The following GUCY1A2 variants were observed in gnomAD, a reference collection of about 807,000 sequenced individuals.
GUCY1A2 encodes the protein guanylate cyclase 1 soluble subunit alpha 2.
Under a neutral mutation model 63.5 loss-of-function variants are expected in GUCY1A2, and 27 were observed. That is an observed-to-expected ratio of 0.43 (90% CI 0.31 to 0.59). The LOEUF is 0.59. Ranked by LOEUF, GUCY1A2 falls within the 20% of genes least tolerant of loss-of-function variation. GUCY1A2 has a pLI of 0.11. For missense variants in GUCY1A2, 768 were observed against 913.3 expected (o/e 0.84, Z 2.05); for synonymous variants, 364 against 343.5 (o/e 1.06, Z -0.66).
chr11:106,732,184 G>A lies in GUCY1A2; in HGVS notation c.1837-23518C>T, dbSNP rs181256582. Among the ~76,000 whole-genome samples the A allele has an allele frequency of 3.5e-3, 527 of 152,194 alleles. 11 individuals carry two copies. The highest frequency in any genetic ancestry group is 3.7e-3 in the Non-Finnish European group (250 of 68,014). On this transcript the variant is annotated intron_variant, in intron 6 of 7. Transcript: ENST00000526355. ...GTACTGGTACAAAAACAGACACACA[G>A]ACCAATGGAACAGATAAGAGAGCCC... is the stretch of plus-strand genomic sequence containing the variant.
intron 4 of GUCY1A2, among the ~76,000 whole-genome samples, chr11:106,837,643 C>G (rs1375880652): frequency 6.6e-6 from 1 of 151,876 alleles, no homozygotes; most frequent in Admixed American, 6.6e-5. Context: ...CAAGTTTTTT[C>G]AAATTGTCGC....
At chr11:106,800,310 C>T (rs1864850865) in intron 5 of GUCY1A2, among the ~76,000 whole-genome samples, 1 of 152,186 alleles carries the variant, frequency 6.6e-6, no homozygotes, top group Admixed American at 6.5e-5. Context: ...CTAGTTCAAC[C>T]ATCGTGGAAG....
chr11:106,813,560 C>G (rs1858792644), intron 4 of GUCY1A2, among the ~76,000 whole-genome samples: 1 of 152,006 alleles, frequency 6.6e-6, no homozygotes, highest in East Asian at 1.9e-4. Context: ...TTTTGCCTAT[C>G]TTGAGCATGG....
intron 3 of GUCY1A2, among the ~76,000 whole-genome samples, chr11:106,954,700 C>A (rs1197807886): frequency 6.6e-6 from 1 of 152,106 alleles, no homozygotes; most frequent in East Asian, 1.9e-4. Flanking sequence ...GTATTGGGTA[C>A]ATATATATTT....
intron 3 of GUCY1A2, among the ~76,000 whole-genome samples, chr11:106,976,200 C>T (rs1251551742): frequency 6.6e-6 from 1 of 151,972 alleles, no homozygotes; most frequent in Non-Finnish European, 1.5e-5. Context: ...ATCACACTCC[C>T]CAAAGGTGAT....
chr11:106,753,444 C>T (rs1267957769), intron 6 of GUCY1A2, among the ~76,000 whole-genome samples: 1 of 152,126 alleles, frequency 6.6e-6, no homozygotes, highest in Non-Finnish European at 1.5e-5. Context: ...TTTGCCCACG[C>T]CTATGTCTGA....
intron 3 of GUCY1A2, among the ~76,000 whole-genome samples, chr11:106,957,746 A>G (rs915075333): frequency 4.6e-5 from 7 of 151,950 alleles, no homozygotes; most frequent in African/African-American, 1.7e-4. Context: ...GCCTCCAAAA[A>G]AAATGGTCAC....
At chr11:106,746,704 GTGAC>G in intron 6 of GUCY1A2, 1 of 935,876 alleles carries the variant, frequency 1.1e-6, no homozygotes, top group Non-Finnish European at 1.6e-6. Flanking sequence ...AATCAGTACT[GTGAC>G]ATTTTTTATT....
chr11:106,906,529 C>A (rs1410820477), intron 4 of GUCY1A2, among the ~76,000 whole-genome samples: 1 of 151,488 alleles, frequency 6.6e-6, no homozygotes, highest in African/African-American at 2.4e-5. Flanking sequence ...GGTGTTCACC[C>A]ATTCCTCAAG....
At chr11:106,774,888 C>G (rs79403600) in intron 6 of GUCY1A2, among the ~76,000 whole-genome samples, 3,690 of 152,198 alleles carry the variant, frequency 0.024, 155 homozygotes, top group East Asian at 0.14. Flanking sequence ...CTTAGAAGTT[C>G]TCTGATTCTT....
In GUCY1A2 at chr11:106,732,341, T is replaced by A. The variant is rs182091849; in HGVS notation, c.1837-23675A>T. On this transcript the variant is annotated intron_variant, in intron 6 of 7. Transcript: ENST00000526355. ...CTAGCCATATGCAGAAGACTTAAACTAGACCTCTTCCTTACAAAAATTAAC... is the reference window on the plus strand; with the variant it reads ...CTAGCCATATGCAGAAGACTTAAACAAGACCTCTTCCTTACAAAAATTAAC... Among the ~76,000 whole-genome samples, 25 of 152,304 alleles carry A rather than the reference T, an allele frequency of 1.6e-4. No individual in the cohort carries two copies. The East Asian group carries it at 4.2e-3, about 26-fold the overall frequency.
chr11:106,881,510 T>C (rs1859823109), intron 4 of GUCY1A2, among the ~76,000 whole-genome samples: 1 of 152,040 alleles, frequency 6.6e-6, no homozygotes, highest in Non-Finnish European at 1.5e-5. Flanking sequence ...TCATTAAAAA[T>C]TTATTACATA....
At chr11:106,710,704 G>C (rs919867937) in intron 6 of GUCY1A2, among the ~76,000 whole-genome samples, 1 of 151,842 alleles carries the variant, frequency 6.6e-6, no homozygotes, top group African/African-American at 2.4e-5. Flanking sequence ...AATTAAACAC[G>C]ATAACAGTAA....
chr11:106,985,698 T>A (rs896360017), intron 2 of GUCY1A2, among the ~76,000 whole-genome samples: 5 of 152,198 alleles, frequency 3.3e-5, no homozygotes, highest in Non-Finnish European at 7.3e-5. Flanking sequence ...GTGATTCTTA[T>A]CAAACTCTAC....
intron 4 of GUCY1A2, among the ~76,000 whole-genome samples, chr11:106,847,893 G>T (rs374092132): frequency 6.6e-6 from 1 of 151,466 alleles, no homozygotes; most frequent in South Asian, 2.1e-4. Context: ...GTATTAAATG[G>T]GGAGAGCAAG....
intron 6 of GUCY1A2, among the ~76,000 whole-genome samples, chr11:106,736,591 C>T (rs748856001): frequency 3.3e-5 from 5 of 151,986 alleles, no homozygotes; most frequent in Admixed American, 6.6e-5. Context: ...TCTTTTTGCT[C>T]ATAATGGATT....
At chr11:106,803,556 G>T (rs1052433793) in intron 5 of GUCY1A2, among the ~76,000 whole-genome samples, 1 of 151,900 alleles carries the variant, frequency 6.6e-6, no homozygotes, top group Non-Finnish European at 1.5e-5. Context: ...AGACACACGC[G>T]CTTCCCATAT....
rs911559941 is a variant in GUCY1A2 at position 106,705,359 on chromosome 11, C to T, written c.1991+3153G>A. Reference sequence around the variant, plus strand: ...TTAGTTACAGCTCAAAATGCACCTTCGACCAAATTACCAAACCCATTCTTT... The same window carrying T: ...TTAGTTACAGCTCAAAATGCACCTTTGACCAAATTACCAAACCCATTCTTT... On this transcript the variant is annotated intron_variant, in intron 7 of 7. Transcript: ENST00000526355. Among the ~76,000 whole-genome samples, 10 of 152,034 alleles carry T rather than the reference C, an allele frequency of 6.6e-5. 1 individual carries two copies. Among genetic ancestry groups the T allele is most frequent in the African/African-American group, 1.9e-4 (8 of 41,378 alleles).
At chr11:106,744,026 G>A (rs7941474) in intron 6 of GUCY1A2, among the ~76,000 whole-genome samples, 10,213 of 152,036 alleles carry the variant, frequency 0.067, 978 homozygotes, top group African/African-American at 0.21. Flanking sequence ...AGGAATGAAC[G>A]ACCAAGAAGA....
Sources: gnomAD v4.1 joint callset for allele counts (sites outside exome capture counted in the v4.1 genomes callset) on GRCh38, gnomAD v4.1.1 for gene constraint, MANE v1.5 for transcripts, NCBI Gene and HGNC (gene_info 2026-07-23, HGNC 2026-07-21) for gene names.